The following KCTD18 variants were observed in gnomAD, a reference collection of about 807,000 sequenced individuals.
KCTD18 encodes BTB/POZ domain-containing protein KCTD18.
In KCTD18, 22 loss-of-function variants were observed where a neutral mutation model predicts 30.4. That is an observed-to-expected ratio of 0.72 (90% confidence interval 0.52 to 1.03). The LOEUF (loss-of-function observed/expected upper bound fraction) is 1.03. Among genes scored for constraint, KCTD18 ranks in the 50% least tolerant of loss-of-function variants. The pLI is 0.00. For synonymous variants in KCTD18, 186 were observed against 209.0 expected (o/e 0.89, Z 0.95); for missense variants, 529 against 547.6 (o/e 0.97, Z 0.34).
chr2:200,507,268 G>A (rs1440446634), intron 1 of KCTD18, among the ~76,000 whole-genome samples, 177 bp from the exon 2 acceptor site: 4 of 152,162 alleles, frequency 2.6e-5, no homozygotes, highest in Admixed American at 2.0e-4. Context: ...GAAAATGTTG[G>A]CTAAGAGGAT....
chr2:200,507,920 T>C (rs888533033), intron 1 of KCTD18, among the ~76,000 whole-genome samples: 4 of 152,184 alleles, frequency 2.6e-5, no homozygotes, highest in East Asian at 1.9e-4. Context: ...GCAATCCTCC[T>C]GTCTTGGCCT....
In KCTD18 at chr2:200,489,243, C is replaced by A. The variant is rs1487291289; in HGVS notation, c.*857G>T. The A allele has an allele frequency of 6.6e-6, 1 of 152,542 alleles. No individual in the cohort carries two copies. The highest frequency in any genetic ancestry group is 1.5e-5 in the Non-Finnish European group (1 of 68,012). The allele number at this position is 152,542 out of a possible 1,614,324, so 9.4% of individuals were successfully genotyped here. ...GTTTAAAAATATTAAATTCAAGTTA[C>A]ATGGAAATTTTATGCATAAAAATCA... On this transcript the variant is annotated 3_prime_UTR_variant, in exon 7 of 7. Transcript: ENST00000359878.
In KCTD18 at chr2:200,490,064, G is replaced by T. The variant is rs773400784; in HGVS notation, c.*36C>A. ...TGCGTCGAATGGGTTGAAAGCTTTG[G>T]GAGATGAACGGGAAATTTCAAGTCC... On this transcript the variant is annotated 3_prime_UTR_variant, in exon 7 of 7. Coordinates refer to ENST00000359878, the MANE Select transcript of KCTD18 (RefSeq NM_152387.4). 2 of 1,528,892 alleles carry T rather than the reference G, an allele frequency of 1.3e-6. No individual in the cohort carries two copies. The highest frequency in any genetic ancestry group is 1.8e-6 in the Non-Finnish European group (2 of 1,136,744). The allele number at this position is 1,528,892 out of a possible 1,614,324, so 94.7% of individuals were successfully genotyped here.
In KCTD18 at chr2:200,489,800, G is replaced by A. The variant is rs568222776; in HGVS notation, c.*300C>T. On this transcript the variant is annotated 3_prime_UTR_variant, in exon 7 of 7. Coordinates refer to ENST00000359878, the MANE Select transcript of KCTD18 (RefSeq NM_152387.4). Reference sequence around the variant, plus strand: ...TTCAGCAACAAAGTGGACCTCTCTAGAGATTATTTGTTGTACTGTCTTGTT... The same window carrying A: ...TTCAGCAACAAAGTGGACCTCTCTAAAGATTATTTGTTGTACTGTCTTGTT... 4 of 335,064 alleles carry A rather than the reference G, an allele frequency of 1.2e-5. No individual in the cohort carries two copies. In the South Asian group the frequency reaches 2.3e-4, roughly 20 times the overall value. The allele number at this position is 335,064 out of a possible 1,614,324, so 20.8% of individuals were successfully genotyped here.
intron 1 of KCTD18, among the ~76,000 whole-genome samples, chr2:200,509,342 C>A (rs1420135230): frequency 6.6e-6 from 1 of 152,088 alleles, no homozygotes; most frequent in Non-Finnish European, 1.5e-5. Context: ...CACTGTTTCA[C>A]CCCTATGGAT....
At chr2:200,496,763 G>GA (rs1322477457) in intron 5 of KCTD18, 10 of 152,514 alleles carry the variant, frequency 6.6e-5, no homozygotes, top group African/African-American at 2.4e-4. Context: ...AAGGTGCTGG[G>GA]ATTACAGGCA....
chr2:200,508,625 A>G (rs1338482549), intron 1 of KCTD18, among the ~76,000 whole-genome samples: 1 of 152,238 alleles, frequency 6.6e-6, no homozygotes, highest in Non-Finnish European at 1.5e-5. Flanking sequence ...CGTTTTGTAG[A>G]TGCCAGCTAG....
chr2:200,499,259 T>A (rs1254229620), intron 3 of KCTD18, among the ~76,000 whole-genome samples, 175 bp from the exon 4 acceptor site: 10 of 152,284 alleles, frequency 6.6e-5, no homozygotes, highest in African/African-American at 1.7e-4. Flanking sequence ...ACATTTTTTT[T>A]AATTAAATCG....
chr2:200,508,766 A>C (rs11692630), intron 1 of KCTD18, among the ~76,000 whole-genome samples: 3 of 152,020 alleles, frequency 2.0e-5, no homozygotes, highest in African/African-American at 7.3e-5. Flanking sequence ...GACATCTCGC[A>C]CTGCCTAGAA....
At chr2:200,505,101 T>A in intron 2 of KCTD18, 142 bp from the exon 3 acceptor site, 1 of 672,508 alleles carries the variant, frequency 1.5e-6, no homozygotes, top group Non-Finnish European at 2.5e-6. Context: ...TTCAAATAGG[T>A]TTATGTAATC....
In KCTD18 at chr2:200,506,998, C is replaced by A; in HGVS notation, c.19G>T (p.Glu7Ter). 1 of 1,611,444 alleles carries A rather than the reference C, an allele frequency of 6.2e-7. No homozygotes were observed. The highest frequency in any genetic ancestry group is 1.7e-4 in the Middle Eastern group (1 of 6,050). The change falls in exon 2 of 7, where the codon GAA (glutamate) becomes TAA (stop). Residue 7 changes from glutamate to a stop codon, truncating the protein, a stop_gained. Transcript: ENST00000359878. LOFTEE classifies it high-confidence loss of function. MEGHKA[E>*]EEVLDVLRLN... is the part of the protein sequence containing the mutation. ...CGGAGAACATCTAGCACCTCTTCTT[C>A]TGCCTTGTGGCCTTCCATTTCTCCC...
chr2:200,499,131 A>C (rs2088044224), intron 3 of KCTD18, 47 bp from the exon 4 acceptor site: 1 of 1,263,740 alleles, frequency 7.9e-7, no homozygotes, highest in Non-Finnish European at 1.1e-6. Context: ...TCTAGAGTAA[A>C]ATAAAAATGA....
chr2:200,505,545 A>G (rs149692156), intron 2 of KCTD18, among the ~76,000 whole-genome samples: 4 of 152,330 alleles, frequency 2.6e-5, no homozygotes, highest in Non-Finnish European at 5.9e-5. Flanking sequence ...TATTCCCACA[A>G]TGGCCACTGC....
intron 3 of KCTD18, among the ~76,000 whole-genome samples, chr2:200,499,888 C>T (rs923662562): frequency 2.7e-5 from 4 of 146,920 alleles, no homozygotes; most frequent in African/African-American, 9.9e-5. Flanking sequence ...CAATAAAATA[C>T]TAGCAAACCG....
intron 1 of KCTD18, among the ~76,000 whole-genome samples, chr2:200,508,483 T>TCCCA (rs2030329322): frequency 2.6e-5 from 4 of 152,298 alleles, no homozygotes; most frequent in Admixed American, 6.5e-5. Flanking sequence ...AAAACAATAC[T>TCCCA]GTGATGAAAA....
intron 6 of KCTD18, among the ~76,000 whole-genome samples, chr2:200,491,102 G>A (rs1041481294): frequency 1.3e-5 from 2 of 152,240 alleles, no homozygotes; most frequent in African/African-American, 4.8e-5. Flanking sequence ...AATGTTGGAG[G>A]TGGAGCCTGA....
chr2:200,497,710 TA>T, intron 5 of KCTD18, 42 bp downstream of exon 5: 3 of 1,292,034 alleles, frequency 2.3e-6, no homozygotes, highest in Non-Finnish European at 3.4e-6. Flanking sequence ...CTTTTTTTTT[TA>T]AAGTCCACCT....
chr2:200,502,346 A>G (rs1448427442), intron 3 of KCTD18, among the ~76,000 whole-genome samples: 2 of 152,190 alleles, frequency 1.3e-5, no homozygotes, highest in Non-Finnish European at 2.9e-5. Flanking sequence ...ACCAAAATGT[A>G]GACCTTTTTC....
intron 3 of KCTD18, among the ~76,000 whole-genome samples, chr2:200,499,959 T>C (rs1481796624): frequency 6.6e-6 from 1 of 151,956 alleles, no homozygotes; most frequent in African/African-American, 2.4e-5. Flanking sequence ...TCCCTGGGAA[T>C]GCAAGGCTGG....
Sources: gnomAD v4.1 joint callset for allele counts (sites outside exome capture counted in the v4.1 genomes callset) on GRCh38, gnomAD v4.1.1 for gene constraint, MANE v1.5 for transcripts, NCBI Gene and HGNC (gene_info 2026-07-23, HGNC 2026-07-21) for gene names.